Variants in DDX60L observed in about 807,000 individuals in gnomAD.
DDX60L encodes the protein DExD/H-box 60 like, also known as probable ATP-dependent RNA helicase DDX60-like.
Under a neutral mutation model 211.6 loss-of-function variants are expected in DDX60L, and 191 were observed. That is an observed-to-expected ratio of 0.90 (90% CI 0.80 to 1.02). The LOEUF is 1.02. DDX60L is among the 50% of genes least tolerant of loss of function. The pLI is 0.00. For synonymous variants in DDX60L, 706 were observed against 694.1 expected (o/e 1.02, Z -0.27); for missense variants, 2,007 against 1,984.1 (o/e 1.01, Z -0.22).
intron 9 of DDX60L, among the ~76,000 whole-genome samples, chr4:168,442,196 G>T (rs1031262308): frequency 6.6e-6 from 1 of 152,174 alleles, no homozygotes; most frequent in East Asian, 1.9e-4. Flanking sequence ...CTTGGGAAGC[G>T]CAAGGGGTCA....
At chr4:168,407,973 T>A (rs548495011) in intron 22 of DDX60L, among the ~76,000 whole-genome samples, 1 of 152,346 alleles carries the variant, frequency 6.6e-6, no homozygotes, top group African/African-American at 2.4e-5. Flanking sequence ...AATTCTCAGA[T>A]TGAATTTATG....
chr4:168,454,757 C>CTT (rs1263885983), intron 7 of DDX60L, among the ~76,000 whole-genome samples: 2 of 48,932 alleles, frequency 4.1e-5, no homozygotes, highest in African/African-American at 1.4e-4. Flanking sequence ...TAAACAGCTT[C>CTT]CTTTTTTTTT....
intron 37 of DDX60L, among the ~76,000 whole-genome samples, chr4:168,359,877 C>T (rs184490661): frequency 1.5e-4 from 23 of 152,234 alleles, no homozygotes; most frequent in Admixed American, 8.5e-4. Context: ...GGCCTATCCC[C>T]GAATACATCA....
At chr4:168,454,713 T>C (rs1756265952) in intron 7 of DDX60L, among the ~76,000 whole-genome samples, 1 of 147,862 alleles carries the variant, frequency 6.8e-6, no homozygotes, top group Admixed American at 6.8e-5. Context: ...CACTGCTCTC[T>C]CCATTCTCCA....
chr4:168,410,598 G>C (rs1488787481), intron 22 of DDX60L, among the ~76,000 whole-genome samples: 2 of 152,186 alleles, frequency 1.3e-5, no homozygotes, highest in Admixed American at 1.3e-4. Flanking sequence ...CCAACTATTG[G>C]CTAATGTCAT....
chr4:168,438,019 A>G (rs983723975), intron 10 of DDX60L, among the ~76,000 whole-genome samples: 12 of 152,054 alleles, frequency 7.9e-5, no homozygotes, highest in Non-Finnish European at 1.5e-5. Flanking sequence ...GATTACAGGC[A>G]CATGCCACCA....
At chr4:168,427,010 TG>T (rs1382348564) in intron 14 of DDX60L, 59 bp downstream of exon 14, 34 of 1,492,186 alleles carry the variant, frequency 2.3e-5, no homozygotes, top group Non-Finnish European at 2.5e-5. Flanking sequence ...TCAGTAAATA[TG>T]TTAACATCAT....
At chr4:168,371,578 T>C (rs1741022697) in intron 36 of DDX60L, 34 bp downstream of exon 36, 1 of 1,302,580 alleles carries the variant, frequency 7.7e-7, no homozygotes, top group South Asian at 1.4e-5. Flanking sequence ...TATATGTATG[T>C]ATATATTTTA....
chr4:168,361,536 A>C (rs981098553), intron 36 of DDX60L: 2 of 176,974 alleles, frequency 1.1e-5, no homozygotes, highest in Non-Finnish European at 2.4e-5. Flanking sequence ...TACTTCTTCT[A>C]CTTTCTTAGT....
intron 7 of DDX60L, among the ~76,000 whole-genome samples, chr4:168,454,160 C>CTCTTAAAAT (rs1326679615): frequency 3.9e-5 from 6 of 152,280 alleles, no homozygotes; most frequent in Middle Eastern, 3.4e-3. Flanking sequence ...TTTAAGCATG[C>CTCTTAAAAT]TCTTAAAATT....
intron 23 of DDX60L, 75 bp from the exon 24 acceptor site, chr4:168,406,153 A>G: frequency 2.1e-6 from 3 of 1,463,226 alleles, no homozygotes; most frequent in Non-Finnish European, 2.7e-6. Flanking sequence ...GATGTATTTA[A>G]GTTTACTTGT....
At chr4:168,396,160 T>C (rs1202872273) in intron 26 of DDX60L, 36 bp from the exon 27 acceptor site, 2 of 1,237,144 alleles carry the variant, frequency 1.6e-6, no homozygotes, top group Non-Finnish European at 2.2e-6. Flanking sequence ...TTTTAAGTAA[T>C]GAAAACTCAT....
In DDX60L at chr4:168,427,279, G is replaced by A. The variant is rs776455615; in HGVS notation, c.1721C>T (p.Ser574Leu). The A allele has an allele frequency of 4.3e-6, 7 of 1,613,462 alleles. No individual in the cohort carries two copies. The South Asian group carries it at 7.7e-5, about 18-fold the overall frequency. ...TTTGTTCTGATCTTCTTTGAGAAAT[G>A]ACTTTTTCTTACTCTTTTTGGTAAT... ...HQITKKSKKK[S>L]FLKEDQNKAQ... Residue 574 changes from serine (S) to leucine (L), a missense_variant, in exon 14 of 38, where the codon TCA (serine) becomes TTA (leucine). Coordinates refer to ENST00000682922, the MANE Select transcript of DDX60L (RefSeq NM_001012967.3).
intron 29 of DDX60L, chr4:168,390,506 T>G: frequency 1.4e-6 from 2 of 1,405,268 alleles, no homozygotes; most frequent in Non-Finnish European, 1.8e-6. Context: ...GTCTTCATAT[T>G]CCAGTCTAGG....
At chr4:168,477,908 C>T (rs1010350164) in intron 1 of DDX60L, among the ~76,000 whole-genome samples, 2 of 152,146 alleles carry the variant, frequency 1.3e-5, no homozygotes, top group African/African-American at 2.4e-5. Flanking sequence ...TAAGAAGGAA[C>T]TGGGTGGTAT....
In DDX60L at chr4:168,453,117, T is replaced by C. The variant is rs1561105296; in HGVS notation, c.996+7A>G. 1 of 1,600,918 alleles carries C rather than the reference T, an allele frequency of 6.2e-7. No homozygotes were observed. The highest frequency in any genetic ancestry group is 8.5e-7 in the Non-Finnish European group (1 of 1,174,610). Reference sequence around the variant, plus strand: ...GTTCAGACAAAAAATAAACAAAATATGTTTACCATTTTTAAGAAAGAATCA... The same window carrying C: ...GTTCAGACAAAAAATAAACAAAATACGTTTACCATTTTTAAGAAAGAATCA... On this transcript the variant is annotated splice_region_variant and intron_variant, in intron 8 of 37. Coordinates refer to ENST00000682922, the MANE Select transcript of DDX60L (RefSeq NM_001012967.3).
intron 35 of DDX60L, among the ~76,000 whole-genome samples, chr4:168,372,757 G>T (rs1443093345): frequency 6.6e-6 from 1 of 151,172 alleles, no homozygotes; most frequent in Admixed American, 6.6e-5. Context: ...GAGGGGAGTC[G>T]AGGGAAGGGG....
chr4:168,381,886 T>C (rs1743025092), intron 30 of DDX60L, among the ~76,000 whole-genome samples: 1 of 152,100 alleles, frequency 6.6e-6, no homozygotes, highest in Admixed American at 6.6e-5. Context: ...CAAACGTTAT[T>C]ATATGAAAAA....
In DDX60L at chr4:168,391,638, T is replaced by A; in HGVS notation, c.3817A>T (p.Thr1273Ser). 6.6e-7 allele frequency: 1 copy of A among 1,505,678 alleles called. No individual in the cohort carries two copies. Among genetic ancestry groups the A allele is most frequent in the East Asian group, 2.3e-5 (1 of 42,780 alleles). 93.3% of individuals were successfully genotyped at this position (1,505,678 alleles called of 1,614,324 possible). ...CCTAAGGCAAGTGTTTCAGTAGCTG[T>A]CACTACCTAGGAAAAAAAAAAAAAA... ...LFVKGLIRVVTATETLALGIH... is the reference protein window; with the variant it reads ...LFVKGLIRVVSATETLALGIH... The change falls in exon 29 of 38, where the codon ACA becomes TCA. Residue 1273 changes from threonine (T) to serine (S), a missense_variant. Coordinates refer to ENST00000682922, the MANE Select transcript of DDX60L (RefSeq NM_001012967.3).
Sources: allele counts gnomAD v4.1 joint callset (sites outside exome capture counted in the v4.1 genomes callset), GRCh38; gene constraint gnomAD v4.1.1; transcripts MANE v1.5; gene names NCBI Gene and HGNC (gene_info 2026-07-23, HGNC 2026-07-21).